The following IREB2 variants were observed in gnomAD, a reference collection of about 807,000 sequenced individuals.
The protein encoded by IREB2 is iron responsive element binding protein 2.
In IREB2, 39 loss-of-function variants were observed where a neutral mutation model predicts 118.8. The ratio of observed to expected loss-of-function variants is 0.33; its 90% CI spans 0.25 to 0.43. The LOEUF is 0.43. Ranked by LOEUF, IREB2 falls within the 20% of genes least tolerant of loss-of-function variation. The pLI is 1.00. For missense variants in IREB2, 900 were observed against 1,147.3 expected, an observed-to-expected ratio of 0.78 and a Z score of 3.11; for synonymous variants, 372 against 392.2, an observed-to-expected ratio of 0.95 and a Z score of 0.61.
intron 13 of IREB2, among the ~76,000 whole-genome samples, chr15:78,487,404 ATTTTTAT>A (rs1196610495): frequency 6.6e-6 from 1 of 152,158 alleles, no homozygotes; most frequent in East Asian, 1.9e-4. Context: ...CAGCCTGAGC[ATTTTTAT>A]TTTTTATTTT....
At chr15:78,496,150 C>T (rs773628612) in intron 20 of IREB2, among the ~76,000 whole-genome samples, 7 of 152,178 alleles carry the variant, frequency 4.6e-5, no homozygotes, top group Non-Finnish European at 1.0e-4. Context: ...TATCATTCTG[C>T]GGTTTCAGCA....
chr15:78,480,238 GATCATTTTCCA>G (rs1212891561), intron 10 of IREB2: 5 of 152,096 alleles, frequency 3.3e-5, no homozygotes. Context: ...TTTTACTTCT[GATCATTTTCCA>G]ATCATTTTCA....
At chr15:78,471,949 C>T (rs758618732) in intron 7 of IREB2, 25 bp downstream of exon 7, 1 of 1,480,056 alleles carries the variant, frequency 6.8e-7, no homozygotes, top group South Asian at 1.4e-5. Flanking sequence ...AAATATATTT[C>T]ATTTCTTTTG....
intron 5 of IREB2, among the ~76,000 whole-genome samples, chr15:78,466,895 G>A (rs574867031): frequency 9.2e-5 from 14 of 151,840 alleles, no homozygotes; most frequent in Middle Eastern, 3.4e-3. Flanking sequence ...CCTACTAGGG[G>A]GTTTCTTATC....
chr15:78,478,070 C>G (rs1436413705), intron 9 of IREB2, among the ~76,000 whole-genome samples: 1 of 141,060 alleles, frequency 7.1e-6, no homozygotes, highest in Non-Finnish European at 1.5e-5. Context: ...CCCATCTGTA[C>G]AAAACATTTG....
At chr15:78,438,084 G>T (rs984831326), upstream of IREB2, 1 of 495,900 alleles carries the variant, frequency 2.0e-6, no homozygotes, top group Non-Finnish European at 3.6e-6. Flanking sequence ...GACGGCGCGA[G>T]AAATCGCTTT....
chr15:78,497,426 C>A, intron 21 of IREB2, 115 bp downstream of exon 21: 1 of 751,652 alleles, frequency 1.3e-6, no homozygotes. Context: ...GTTAAGTTGC[C>A]ATTTAAGATG....
intron 2 of IREB2, among the ~76,000 whole-genome samples, chr15:78,441,916 T>C (rs114314108): frequency 0.018 from 2,695 of 152,242 alleles, 72 homozygotes; most frequent in African/African-American, 0.061. Context: ...TTATTTTACT[T>C]ATTTTTTTGA....
chr15:78,496,311 A>T (rs1413476123), intron 20 of IREB2, among the ~76,000 whole-genome samples: 4 of 152,186 alleles, frequency 2.6e-5, no homozygotes, highest in Admixed American at 2.6e-4. Flanking sequence ...TCTGTCGTCC[A>T]GGCTGGAATG....
intron 18 of IREB2, 118 bp from the exon 19 acceptor site, chr15:78,493,791 T>A: frequency 2.3e-6 from 2 of 882,728 alleles, no homozygotes; most frequent in Non-Finnish European, 3.5e-6. Flanking sequence ...ATGGTTTTGT[T>A]TTCTTTTGTG....
At chr15:78,490,596 T>A (rs1241969471) in intron 17 of IREB2, 23 bp from the exon 18 acceptor site, 1 of 1,612,564 alleles carries the variant, frequency 6.2e-7, no homozygotes, top group South Asian at 1.1e-5. Flanking sequence ...AAGAGTTAAA[T>A]GCCTTGAACT....
At position 78,466,398 on chromosome 15, in the gene IREB2, T is replaced by A. The variant is rs1198636565; in HGVS notation, c.538T>A (p.Ser180Thr). ...GQTTCRGSCD[S>T]GELGRNSGTF... ...GACTACCTGCCGAGGATCTTGTGAT[T>A]CTGGAGAACTAGGCCGAAACTCAGG... The change falls in exon 5 of 22, where the codon TCT becomes ACT. Residue 180 changes from serine (S) to threonine (T), a missense_variant. Physicochemically the swap from Ser to Thr is moderately conservative, Grantham distance 58. Coordinates refer to ENST00000258886, the MANE Select transcript of IREB2 (RefSeq NM_004136.4). 1.9e-6 allele frequency: 3 copies of A among 1,614,160 alleles called. No individual in the cohort carries two copies. Among genetic ancestry groups the A allele is most frequent in the Non-Finnish European group, 2.5e-6 (3 of 1,180,006 alleles).
rs1328406839 is a variant in IREB2 at position 78,493,902 on chromosome 15, C to G, written c.2325-7C>G. The G allele has an allele frequency of 6.2e-7, 1 of 1,609,236 alleles. No individual in the cohort carries two copies. The highest frequency in any genetic ancestry group is 2.2e-5 in the East Asian group (1 of 44,820). On this transcript the variant is annotated splice_polypyrimidine_tract_variant and splice_region_variant and intron_variant, in intron 18 of 21. Coordinates refer to ENST00000258886, the MANE Select transcript of IREB2 (RefSeq NM_004136.4). ...AATGAAAACTGACTTTCATTACTTT[C>G]TTGTAGCCTTACCCCTCGTGAATTC...
intron 3 of IREB2, among the ~76,000 whole-genome samples, chr15:78,463,792 C>T (rs983418697): frequency 1.3e-5 from 2 of 152,128 alleles, no homozygotes; most frequent in African/African-American, 2.4e-5. Context: ...GATCCTCCTG[C>T]CTCTGCCTCC....
chr15:78,477,128 G>A (rs1180259454), intron 9 of IREB2, among the ~76,000 whole-genome samples: 2 of 152,178 alleles, frequency 1.3e-5, no homozygotes, highest in East Asian at 3.8e-4. Context: ...CCCCCCAAGT[G>A]CAAAACTTCT....
intron 2 of IREB2, among the ~76,000 whole-genome samples, chr15:78,455,204 G>A (rs2051086883): frequency 6.6e-6 from 1 of 152,212 alleles, no homozygotes; most frequent in Non-Finnish European, 1.5e-5. Flanking sequence ...GCGTGGATAG[G>A]CTGGTGCCAA....
At position 78,438,248 on chromosome 15, in the gene IREB2, C is replaced by A. The variant is rs1259545266; in HGVS notation, c.-90C>A. On this transcript the variant is annotated 5_prime_UTR_variant, in exon 1 of 22. Transcript: ENST00000258886. ...CTTCCTTCTTTCCTCCCTTGCCAGT[C>A]CGCCTGTCTTCCTCCCCGTCTTCCC... 1.0e-6 allele frequency: 1 copy of A among 994,878 alleles called. No homozygotes were observed. The highest frequency in any genetic ancestry group is 1.6e-6 in the Non-Finnish European group (1 of 638,320). 61.6% of individuals were successfully genotyped at this position (994,878 alleles called of 1,614,324 possible). A position where few individuals can be genotyped will look rare whatever the true frequency, so the allele number is the denominator to read the frequency against.
upstream of IREB2, among the ~76,000 whole-genome samples, chr15:78,437,911 A>T: frequency 6.6e-6 from 1 of 152,200 alleles, no homozygotes; most frequent in East Asian, 1.9e-4. Flanking sequence ...CCTGACTCCA[A>T]CAGACACCTT....
At chr15:78,451,835 G>A (rs2051031105) in intron 2 of IREB2, among the ~76,000 whole-genome samples, 1 of 152,120 alleles carries the variant, frequency 6.6e-6, no homozygotes. Context: ...CTACAGGTGT[G>A]AGCCACTGCG....
Sources: gnomAD v4.1 joint callset for allele counts (sites outside exome capture counted in the v4.1 genomes callset) on GRCh38, gnomAD v4.1.1 for gene constraint, MANE v1.5 for transcripts, NCBI Gene and HGNC (gene_info 2026-07-23, HGNC 2026-07-21) for gene names.